The following TOX variants were observed in gnomAD, a reference collection of about 807,000 sequenced individuals.
TOX encodes the protein thymocyte selection-associated high mobility group box protein TOX.
Under a neutral mutation model 53.7 loss-of-function variants are expected in TOX, and 11 were observed. The observed-to-expected ratio is 0.20, with a 90% confidence interval of 0.13 to 0.34. The LOEUF (loss-of-function observed/expected upper bound fraction) is 0.34. TOX is among the 10% of genes least tolerant of loss of function. The pLI, the probability that TOX is intolerant of heterozygous loss-of-function variation, is 1.00. For synonymous variants in TOX, 225 were observed against 245.3 expected (o/e 0.92, Z 0.77); for missense variants, 570 against 664.6 (o/e 0.86, Z 1.56).
chr8:59,093,865 T>C (rs1244698774), intron 1 of TOX, among the ~76,000 whole-genome samples: 1 of 152,202 alleles, frequency 6.6e-6, no homozygotes, highest in African/African-American at 2.4e-5. Context: ...TGTTGGTAAA[T>C]GACAATAACA....
rs151086791 is a variant in TOX, at chr8:58,893,353, A to C, written c.412-41548T>G. 1.3e-3 allele frequency among the ~76,000 whole-genome samples: 192 copies of C among 152,254 alleles called. 1 individual carries two copies. Among genetic ancestry groups the C allele is most frequent in the Non-Finnish European group, 1.8e-3 (124 of 68,008 alleles). ...AGACATTGTTTATCTTTATATAATA[A>C]TCTTCTGAAATTATTACCCATGTGA... On this transcript the variant is annotated intron_variant, in intron 3 of 8. Coordinates refer to ENST00000361421, the MANE Select transcript of TOX (RefSeq NM_014729.3).
intron 1 of TOX, among the ~76,000 whole-genome samples, chr8:59,009,709 C>T (rs1272862836): frequency 1.3e-5 from 2 of 152,112 alleles, no homozygotes; most frequent in Non-Finnish European, 2.9e-5. Context: ...CTTCCACATT[C>T]TATGTTTTAT....
intron 1 of TOX, among the ~76,000 whole-genome samples, chr8:58,984,051 T>A (rs532580450): frequency 1.3e-5 from 2 of 152,212 alleles, no homozygotes; most frequent in Non-Finnish European, 2.9e-5. Context: ...CCATATTTTT[T>A]AAACAAATGT....
intron 3 of TOX, among the ~76,000 whole-genome samples, chr8:58,911,122 C>T (rs117600514): frequency 8.8e-4 from 134 of 152,160 alleles, no homozygotes; most frequent in Non-Finnish European, 1.5e-3. Context: ...TGTCAAATTA[C>T]ACAACCCCTT....
chr8:59,066,040 G>A (rs1804087735), intron 1 of TOX, among the ~76,000 whole-genome samples: 2 of 152,210 alleles, frequency 1.3e-5, no homozygotes, highest in Admixed American at 6.5e-5. Flanking sequence ...CTCAGTTATG[G>A]AAGGTACACA....
At chr8:58,953,166 C>T (rs755334912) in intron 2 of TOX, among the ~76,000 whole-genome samples, 1 of 151,678 alleles carries the variant, frequency 6.6e-6, no homozygotes, top group Non-Finnish European at 1.5e-5. Context: ...TCAAGAATTA[C>T]CTAAAGTTCA....
At chr8:58,824,571 C>T (rs751308730) in intron 6 of TOX, among the ~76,000 whole-genome samples, 27 of 152,214 alleles carry the variant, frequency 1.8e-4, no homozygotes, top group Admixed American at 1.3e-3. Flanking sequence ...CTCTGGCTCT[C>T]TGGTTCTACA....
chr8:58,847,588 G>A (rs1437292658), intron 4 of TOX, among the ~76,000 whole-genome samples: 1 of 152,080 alleles, frequency 6.6e-6, no homozygotes, highest in East Asian at 1.9e-4. Context: ...TGAGAAGGGA[G>A]CAAGAATGGG....
At chr8:58,820,688 A>G (rs992552923) in intron 6 of TOX, among the ~76,000 whole-genome samples, 1 of 152,204 alleles carries the variant, frequency 6.6e-6, no homozygotes, top group Middle Eastern at 3.2e-3. Flanking sequence ...GTGTGAAAAC[A>G]ATGTAACAAG....
chr8:58,882,192 C>T (rs543419254), intron 3 of TOX, among the ~76,000 whole-genome samples: 1 of 152,312 alleles, frequency 6.6e-6, no homozygotes, highest in African/African-American at 2.4e-5. Context: ...ACCCTAATGG[C>T]ATTGCCTGAC....
At chr8:58,974,314 C>G (rs764462718) in intron 1 of TOX, among the ~76,000 whole-genome samples, 31 of 152,108 alleles carry the variant, frequency 2.0e-4, no homozygotes, top group Non-Finnish European at 3.2e-4. Context: ...GTTGAGAAAC[C>G]CTTGTCTATG....
intron 1 of TOX, among the ~76,000 whole-genome samples, chr8:59,074,378 T>C (rs1318774146): frequency 2.0e-5 from 3 of 152,306 alleles, no homozygotes; most frequent in Non-Finnish European, 4.4e-5. Flanking sequence ...AGCATCTTTC[T>C]TACCATTCAA....
chr8:58,818,506 T>A (rs1426749504), intron 6 of TOX, among the ~76,000 whole-genome samples: 1 of 152,176 alleles, frequency 6.6e-6, no homozygotes, highest in Non-Finnish European at 1.5e-5. Context: ...TCCTGATTCC[T>A]CCAAAAGGGC....
chr8:58,928,449 T>C (rs527454480), intron 3 of TOX, among the ~76,000 whole-genome samples: 15 of 152,256 alleles, frequency 9.9e-5, no homozygotes, highest in Admixed American at 8.5e-4. Flanking sequence ...CTTTTAATAC[T>C]AAAGACAATG....
chr8:58,985,094 C>G (rs1238695882), intron 1 of TOX, among the ~76,000 whole-genome samples: 2 of 148,892 alleles, frequency 1.3e-5, no homozygotes, highest in East Asian at 3.9e-4. Flanking sequence ...TTATAACTAT[C>G]TATATAATAT....
chr8:58,959,167 GTTTA>G (rs1326362875), intron 2 of TOX, among the ~76,000 whole-genome samples: 1 of 152,090 alleles, frequency 6.6e-6, no homozygotes. Context: ...TCACTTATTC[GTTTA>G]TTTATTTTTG....
chr8:58,920,738 A>G (rs1253427906), intron 3 of TOX, among the ~76,000 whole-genome samples: 6 of 63,572 alleles, frequency 9.4e-5, no homozygotes, highest in Non-Finnish European at 1.7e-4. Flanking sequence ...AAAAAAAAAG[A>G]AAAAAAAGAA....
At chr8:58,948,564 C>A (rs1812563251) in intron 2 of TOX, among the ~76,000 whole-genome samples, 1 of 152,072 alleles carries the variant, frequency 6.6e-6, no homozygotes, top group African/African-American at 2.4e-5. Context: ...TTAGAGAGAC[C>A]AGATTCAAGT....
At chr8:58,948,543 TA>T (rs1296997890) in intron 2 of TOX, among the ~76,000 whole-genome samples, 2 of 152,076 alleles carry the variant, frequency 1.3e-5, no homozygotes, top group African/African-American at 4.8e-5. Context: ...CTCCAAACCA[TA>T]AACAAATCAT....
Sources: gnomAD v4.1 joint callset for allele counts (sites outside exome capture counted in the v4.1 genomes callset) on GRCh38, gnomAD v4.1.1 for gene constraint, MANE v1.5 for transcripts, NCBI Gene and HGNC (gene_info 2026-07-23, HGNC 2026-07-21) for gene names.